TECPR2: variants seen among roughly 807,000 people sequenced by gnomAD.
TECPR2 encodes tectonin beta-propeller repeat-containing protein 2.
TECPR2 carries 65 observed loss-of-function variants against 138.1 expected under a neutral mutation model. That is an observed-to-expected ratio of 0.47 (90% CI 0.39 to 0.58). TECPR2 has a LOEUF of 0.58. TECPR2 is among the 20% of genes least tolerant of loss of function. TECPR2 has a pLI of 0.00. For synonymous variants in TECPR2, 746 were observed against 749.8 expected (o/e 0.99, Z 0.08); for missense variants, 1,553 against 1,824.5 (o/e 0.85, Z 2.71).
At position 102,498,282 on chromosome 14, in the gene TECPR2, A is replaced by AG; in HGVS notation, c.*29dup. The AG allele has an allele frequency of 6.3e-7, 1 of 1,590,662 alleles. No individual in the cohort carries two copies. On this transcript the variant is annotated 3_prime_UTR_variant, in exon 20 of 20. Transcript: ENST00000359520. ...AAGGAGCCCTGGCCGAGTCACGCGG[A>AG]GGGGCCCGGCGTCTGTGGCGGGCAC...
At chr14:102,461,350 C>T (rs755205642) in intron 16 of TECPR2, among the ~76,000 whole-genome samples, 6 of 151,886 alleles carry the variant, frequency 4.0e-5, no homozygotes, top group Admixed American at 2.0e-4. Flanking sequence ...CAGTTTATGC[C>T]GTTAGGTAAC....
chr14:102,404,112 C>T (rs1490051987), intron 2 of TECPR2, among the ~76,000 whole-genome samples: 2 of 150,776 alleles, frequency 1.3e-5, no homozygotes, highest in African/African-American at 2.4e-5. Flanking sequence ...CTATGTTGCT[C>T]AGGCTGGTCT....
At chr14:102,406,299 A>G (rs943339409) in intron 2 of TECPR2, among the ~76,000 whole-genome samples, 1 of 152,236 alleles carries the variant, frequency 6.6e-6, no homozygotes, top group Admixed American at 6.5e-5. Context: ...CTGTAATCCC[A>G]GCACTTTGGG....
rs145323595 is a variant in TECPR2 at position 102,491,533 on chromosome 14, T to G, written c.3790-5446T>G. ...CCAGCCCTTTCCTCTTTTCACACCC[T>G]TCTGGCAGCTTCCCACGTCACTCAG... is the stretch of plus-strand genomic sequence containing the variant. On this transcript the variant is annotated intron_variant, in intron 17 of 19. Coordinates refer to ENST00000359520, the MANE Select transcript of TECPR2 (RefSeq NM_014844.5). 1.7e-3 allele frequency among the ~76,000 whole-genome samples: 254 copies of G among 152,344 alleles called. 2 individuals carry two copies. Among genetic ancestry groups the G allele is most frequent in the African/African-American group, 5.6e-3 (233 of 41,578 alleles).
chr14:102,485,222 C>G (rs775455166), intron 17 of TECPR2, among the ~76,000 whole-genome samples: 47 of 152,348 alleles, frequency 3.1e-4, no homozygotes, highest in Non-Finnish European at 2.5e-4. Context: ...TATTTAGGTG[C>G]TGGTGGGGCT....
In TECPR2 at chr14:102,431,817, C is replaced by T. The variant is rs1478117402; in HGVS notation, c.1106C>T (p.Ser369Phe). The T allele has an allele frequency of 1.3e-6, 2 of 1,578,924 alleles. No individual in the cohort carries two copies. The highest frequency in any genetic ancestry group is 2.3e-5 in the East Asian group (1 of 44,128). ...TTAGTGAGAGATGGTCTGGAGATGT[C>T]TGGATGCTCAGAGCGTGTCCACGTG... ...TSTVRDGLEM[S>F]GCSERVHVQQ... Residue 369 changes from serine to phenylalanine, a missense_variant, in exon 8 of 20, where the codon TCT (serine) becomes TTT (phenylalanine). By Grantham distance (155) the Ser-to-Phe change is radical (BLOSUM62 -2). Transcript: ENST00000359520.
chr14:102,450,630 T>C lies in TECPR2; in HGVS notation c.3387T>C (p.Ser1129=), dbSNP rs761820530. Residue 1129 remains serine (S), a synonymous_variant, in exon 15 of 20, where the codon TCT becomes TCC. Coordinates refer to ENST00000359520, the MANE Select transcript of TECPR2 (RefSeq NM_014844.5). The part of the protein sequence containing the change: ...SATKWAFVLA[S]AAPTKEGSFL... ...CAAAATGGGCCTTTGTGTTGGCTTCTGCAGCTCCCACGAAGGAAGGTGGGT... is the reference window on the plus strand; with the variant it reads ...CAAAATGGGCCTTTGTGTTGGCTTCCGCAGCTCCCACGAAGGAAGGTGGGT... 8 of 1,614,196 alleles carry C rather than the reference T, an allele frequency of 5.0e-6. No individual in the cohort carries two copies. The highest frequency in any genetic ancestry group is 5.1e-6 in the Non-Finnish European group (6 of 1,180,018).
chr14:102,366,509 G>T (rs1426567845), intron 1 of TECPR2, among the ~76,000 whole-genome samples: 1 of 152,088 alleles, frequency 6.6e-6, no homozygotes, highest in African/African-American at 2.4e-5. Context: ...ACCACACCTG[G>T]CTAATTTTTG....
chr14:102,399,307 C>T (rs568980218), intron 2 of TECPR2, among the ~76,000 whole-genome samples: 1 of 152,088 alleles, frequency 6.6e-6, no homozygotes, highest in Non-Finnish European at 1.5e-5. Context: ...GGCAAGAATA[C>T]AGTGGGCTGA....
chr14:102,483,097 C>T (rs184490631), intron 17 of TECPR2, among the ~76,000 whole-genome samples: 2 of 151,990 alleles, frequency 1.3e-5, no homozygotes, highest in East Asian at 3.9e-4. Flanking sequence ...ATGATCTGCC[C>T]GTCTCGGCCT....
chr14:102,482,077 C>T (rs1232528475), intron 17 of TECPR2, among the ~76,000 whole-genome samples: 2 of 151,282 alleles, frequency 1.3e-5, no homozygotes, highest in South Asian at 2.1e-4. Context: ...TGAGACAGAG[C>T]CTTGCTCTGT....
At chr14:102,388,385 T>C (rs1888073773) in intron 2 of TECPR2, among the ~76,000 whole-genome samples, 1 of 152,236 alleles carries the variant, frequency 6.6e-6, no homozygotes, top group African/African-American at 2.4e-5. Context: ...TAGGTTTTTT[T>C]TTAGTGTTAA....
rs769692447 is a variant in TECPR2, at chr14:102,434,409, A to G, written c.1592A>G (p.Asn531Ser). ...AESPDQESSF[N>S]GEVNGVPQEN... Reference sequence around the variant, plus strand: ...TCTCCAGACCAGGAAAGCAGCTTCAATGGTGAAGTGAACGGTGTCCCACAG... The same window carrying G: ...TCTCCAGACCAGGAAAGCAGCTTCAGTGGTGAAGTGAACGGTGTCCCACAG... Residue 531 changes from asparagine (N) to serine (S), a missense_variant, in exon 9 of 20, where the codon AAT (asparagine) becomes AGT (serine). Asn to Ser is a conservative substitution (Grantham distance 46, BLOSUM62 1). Transcript: ENST00000359520. 6 of 1,529,416 alleles carry G rather than the reference A, an allele frequency of 3.9e-6. No individual in the cohort carries two copies. The highest frequency in any genetic ancestry group is 2.3e-5 in the East Asian group (1 of 44,210). The allele number at this position is 1,529,416 out of a possible 1,614,324, so 94.7% of individuals were successfully genotyped here.
chr14:102,417,818 A>G (rs1326897280), intron 5 of TECPR2, among the ~76,000 whole-genome samples: 1 of 133,056 alleles, frequency 7.5e-6, no homozygotes, highest in Non-Finnish European at 1.6e-5. Flanking sequence ...GGAGCCTGGC[A>G]TGGGAGTCCA....
intron 6 of TECPR2, among the ~76,000 whole-genome samples, chr14:102,426,481 G>A (rs576404450): frequency 6.6e-6 from 1 of 152,244 alleles, no homozygotes; most frequent in African/African-American, 2.4e-5. Flanking sequence ...TCCTGTTCAC[G>A]TTCTTCCATT....
intron 16 of TECPR2, among the ~76,000 whole-genome samples, chr14:102,460,750 A>G (rs1371495382): frequency 6.9e-6 from 1 of 144,492 alleles, no homozygotes; most frequent in African/African-American, 2.6e-5. Flanking sequence ...GCTGGAGTGC[A>G]GTGGCACGAT....
At chr14:102,372,683 G>A (rs541895074) in intron 1 of TECPR2, among the ~76,000 whole-genome samples, 37 of 152,210 alleles carry the variant, frequency 2.4e-4, no homozygotes, top group African/African-American at 8.7e-4. Flanking sequence ...ACTTTGGGAG[G>A]CCAAGGTGGG....
At chr14:102,451,317 A>G (rs1000817016) in intron 15 of TECPR2, among the ~76,000 whole-genome samples, 14 of 152,214 alleles carry the variant, frequency 9.2e-5, no homozygotes, top group African/African-American at 3.1e-4. Flanking sequence ...GATGAAATGC[A>G]AAGATGCTGT....
At chr14:102,475,755 G>A (rs1395462162) in intron 17 of TECPR2, among the ~76,000 whole-genome samples, 2 of 152,028 alleles carry the variant, frequency 1.3e-5, no homozygotes, top group Non-Finnish European at 2.9e-5. Context: ...AGGAAAATAC[G>A]ACCTGCAATG....
Sources: gnomAD v4.1 joint callset for allele counts (sites outside exome capture counted in the v4.1 genomes callset) on GRCh38, gnomAD v4.1.1 for gene constraint, MANE v1.5 for transcripts, NCBI Gene and HGNC (gene_info 2026-07-23, HGNC 2026-07-21) for gene names.